Variants in GPR141 observed in about 807,000 individuals in gnomAD.
GPR141 encodes the protein G protein-coupled receptor 141, also known as probable G protein-coupled receptor 141.
GPR141 carries 6 observed loss-of-function variants against 6.8 expected under a neutral mutation model. The observed-to-expected ratio is 0.88, with a 90% confidence interval of 0.48 to 1.74. GPR141 has a LOEUF of 1.74. Ranked by LOEUF, GPR141 falls within the 40% of genes most tolerant of loss-of-function variation. The pLI, the probability that GPR141 is intolerant of heterozygous loss-of-function variation, is 0.01. For missense variants in GPR141, 372 were observed against 372.9 expected, an observed-to-expected ratio of 1.00 and a Z score of 0.02; for synonymous variants, 140 against 142.3, an observed-to-expected ratio of 0.98 and a Z score of 0.11.
rs1812600340 is a variant in GPR141, at chr7:37,742,226, C to T, written c.*915C>T. Among the ~76,000 whole-genome samples, 1 of 151,752 alleles carries T rather than the reference C, an allele frequency of 6.6e-6. No individual in the cohort carries two copies. Among genetic ancestry groups the T allele is most frequent in the Admixed American group, 6.6e-5 (1 of 15,228 alleles). ...AGTTATACTGAAATCTTTAGAGCTC[C>T]CTTCCGCCGTTAAAATTATATATAT... On this transcript the variant is annotated 3_prime_UTR_variant, in exon 3 of 3. Transcript: ENST00000334425.
chr7:37,721,143 A>G (rs986086269), intron 2 of GPR141, among the ~76,000 whole-genome samples: 1 of 148,952 alleles, frequency 6.7e-6, no homozygotes, highest in East Asian at 1.9e-4. Flanking sequence ...GCTGCAGAAC[A>G]TTTAGGCTTC....
intron 2 of GPR141, among the ~76,000 whole-genome samples, chr7:37,696,562 G>A (rs10272013): frequency 0.41 from 61,490 of 150,860 alleles, 12,910 homozygotes; most frequent in Admixed American, 0.48. Flanking sequence ...TTGTTATTCA[G>A]CCCAGCACAA....
rs141806364 is a variant in GPR141 at position 37,723,152 on chromosome 7, C to A, written c.-14-17228C>A. Among the ~76,000 whole-genome samples the A allele has an allele frequency of 6.5e-3, 989 of 151,902 alleles. 19 individuals are homozygous for A. Among genetic ancestry groups the A allele is most frequent in the East Asian group, 0.048 (245 of 5,140 alleles). ...GGACTACAGGAGTGTGTTACCACAC[C>A]TGGCTAATTTTTGTATTTTTAGTAC... On this transcript the variant is annotated intron_variant, in intron 2 of 2. Coordinates refer to ENST00000334425, the MANE Select transcript of GPR141 (RefSeq NM_001381946.1).
At chr7:37,698,737 C>T (rs531335192) in intron 2 of GPR141, among the ~76,000 whole-genome samples, 1 of 150,000 alleles carries the variant, frequency 6.7e-6, no homozygotes, top group Non-Finnish European at 1.5e-5. Flanking sequence ...TTTTGTACCA[C>T]TTTGTCATGG....
chr7:37,692,698 G>A (rs62461635), intron 2 of GPR141, among the ~76,000 whole-genome samples: 226 of 152,260 alleles, frequency 1.5e-3, no homozygotes, highest in Middle Eastern at 6.8e-3. Context: ...TCTAACTGGC[G>A]TGGGATGGTA....
intron 2 of GPR141, among the ~76,000 whole-genome samples, chr7:37,700,852 ATCT>A (rs1167320602): frequency 6.6e-6 from 1 of 152,202 alleles, no homozygotes; most frequent in Non-Finnish European, 1.5e-5. Context: ...AAATCTTCAA[ATCT>A]TTAATATCGC....
At chr7:37,702,806 C>CAAA (rs959849960) in intron 2 of GPR141, among the ~76,000 whole-genome samples, 1 of 12,394 alleles carries the variant, frequency 8.1e-5, no homozygotes, top group African/African-American at 5.0e-4. Flanking sequence ...CAGTTCAATT[C>CAAA]AAAAAAAAAA....
At chr7:37,721,237 C>T (rs1811311016) in intron 2 of GPR141, among the ~76,000 whole-genome samples, 1 of 150,970 alleles carries the variant, frequency 6.6e-6, no homozygotes, top group Non-Finnish European at 1.5e-5. Flanking sequence ...CTTTTCCGAG[C>T]TTCATTTCTT....
At chr7:37,694,175 A>T (rs930326156) in intron 2 of GPR141, among the ~76,000 whole-genome samples, 1 of 152,194 alleles carries the variant, frequency 6.6e-6, no homozygotes, top group Admixed American at 6.5e-5. Flanking sequence ...CAGCTCTGAA[A>T]CCTGTGTCAG....
chr7:37,732,311 A>G (rs1812002811), intron 2 of GPR141, among the ~76,000 whole-genome samples: 1 of 151,072 alleles, frequency 6.6e-6, no homozygotes, highest in African/African-American at 2.4e-5. Flanking sequence ...TACTTTTGCA[A>G]CAACCTATTA....
At chr7:37,712,555 C>G (rs1562776977) in intron 2 of GPR141, among the ~76,000 whole-genome samples, 1 of 152,156 alleles carries the variant, frequency 6.6e-6, no homozygotes, top group Non-Finnish European at 1.5e-5. Flanking sequence ...TACCTCAGGT[C>G]AAGAACACCA....
At chr7:37,708,219 C>G (rs1256865193) in intron 2 of GPR141, among the ~76,000 whole-genome samples, 5 of 129,832 alleles carry the variant, frequency 3.9e-5, no homozygotes, top group Admixed American at 2.8e-4. Context: ...AATGACTAAT[C>G]TAGTCATTGA....
chr7:37,732,171 T>C (rs1222515768), intron 2 of GPR141, among the ~76,000 whole-genome samples: 1 of 135,858 alleles, frequency 7.4e-6, no homozygotes, highest in Non-Finnish European at 1.6e-5. Context: ...TGAGATGGAG[T>C]CTCACTCTGT....
intron 2 of GPR141, among the ~76,000 whole-genome samples, chr7:37,700,991 G>A (rs951981059): frequency 2.1e-4 from 32 of 152,174 alleles, no homozygotes; most frequent in African/African-American, 7.0e-4. Context: ...TATTCTTCCA[G>A]TCTAGACAGG....
chr7:37,743,165 T>G lies in GPR141; in HGVS notation c.*1854T>G, dbSNP rs1190224279. Among the ~76,000 whole-genome samples, 2 of 151,916 alleles carry G rather than the reference T, an allele frequency of 1.3e-5. No homozygotes were observed. Among genetic ancestry groups the G allele is most frequent in the African/African-American group, 4.8e-5 (2 of 41,436 alleles). On this transcript the variant is annotated 3_prime_UTR_variant, in exon 3 of 3. Transcript: ENST00000334425. ...ACATGAATAGAATAACAGAATGAATTAAGGGAACTTTTTTTTTCATCAAGG... is the reference window on the plus strand; with the variant it reads ...ACATGAATAGAATAACAGAATGAATGAAGGGAACTTTTTTTTTCATCAAGG...
chr7:37,708,324 A>C lies in GPR141; in HGVS notation c.-15+22741A>C, dbSNP rs1040099179. ...CAAATTGCTGGCAAAAAAAAAAAAA[A>C]AAAAAAAAAAACGCAAAAGCTGGCC... On this transcript the variant is annotated intron_variant, in intron 2 of 2. Coordinates refer to ENST00000334425, the MANE Select transcript of GPR141 (RefSeq NM_001381946.1). 4.1e-4 allele frequency among the ~76,000 whole-genome samples: 62 copies of C among 151,240 alleles called. No homozygotes were observed. In the Middle Eastern group the frequency reaches 0.024, roughly 58 times the overall value.
chr7:37,696,510 T>C (rs1810022572), intron 2 of GPR141, among the ~76,000 whole-genome samples: 1 of 152,032 alleles, frequency 6.6e-6, no homozygotes, highest in Non-Finnish European at 1.5e-5. Flanking sequence ...AATGTTATGC[T>C]CTATGCCTGG....
chr7:37,689,494 G>A (rs542891533), intron 2 of GPR141, among the ~76,000 whole-genome samples: 3 of 152,130 alleles, frequency 2.0e-5, no homozygotes, highest in African/African-American at 7.2e-5. Context: ...TGTTTGGTAG[G>A]GTTCAGCAGC....
At chr7:37,710,430 G>T (rs976569705) in intron 2 of GPR141, among the ~76,000 whole-genome samples, 7 of 152,130 alleles carry the variant, frequency 4.6e-5, no homozygotes, top group Non-Finnish European at 1.5e-5. Flanking sequence ...AATCCCAGAT[G>T]TAATATCATT....
Sources: allele counts gnomAD v4.1 joint callset (sites outside exome capture counted in the v4.1 genomes callset), GRCh38; gene constraint gnomAD v4.1.1; transcripts MANE v1.5; gene names NCBI Gene and HGNC (gene_info 2026-07-23, HGNC 2026-07-21).